The following PCDHA8 variants were observed in gnomAD, a reference collection of about 807,000 sequenced individuals.
The protein encoded by PCDHA8 is protocadherin alpha-8.
PCDHA8 carries 53 observed loss-of-function variants against 61.8 expected under a neutral mutation model. That is an observed-to-expected ratio of 0.86 (90% CI 0.69 to 1.08). The LOEUF (loss-of-function observed/expected upper bound fraction) is 1.08, where lower values mean the gene tolerates loss of function less well. Among genes scored for constraint, PCDHA8 ranks in the 50% least tolerant of loss-of-function variants. The pLI is 0.00. For synonymous variants in PCDHA8, 618 were observed against 556.6 expected, an observed-to-expected ratio of 1.11 and a Z score of -1.55; for missense variants, 1,293 against 1,245.0, an observed-to-expected ratio of 1.04 and a Z score of -0.58.
At position 141,009,870 on chromosome 5, in the gene PCDHA8, A is replaced by G. The variant is rs1554262513; in HGVS notation, c.2786A>G (p.Lys929Arg). 1.9e-6 allele frequency: 3 copies of G among 1,614,114 alleles called. No homozygotes were observed. Among genetic ancestry groups the G allele is most frequent in the South Asian group, 2.2e-5 (2 of 91,074 alleles). ...GAGACCAAGAAAAAGAAGAAAAAGA[A>G]GAAGGGTAACAAGACCCAGGAGAAA... ...KEETKKKKKK[K>R]KGNKTQEKKE... The change falls in exon 4 of 4, where the codon AAG (lysine) becomes AGG (arginine). Residue 929 changes from lysine to arginine, a missense_variant. Physicochemically the swap from Lys to Arg is conservative, Grantham distance 26. Coordinates refer to ENST00000531613, the MANE Select transcript of PCDHA8 (RefSeq NM_018911.3).
chr5:140,919,097 C>T lies in PCDHA8; in HGVS notation c.2395-59852C>T, dbSNP rs531325561. Among the ~76,000 whole-genome samples the T allele has an allele frequency of 5.3e-5, 8 of 152,242 alleles. No homozygotes were observed. The South Asian group carries it at 1.7e-3, about 32-fold the overall frequency. ...TATGACTATTGAATTGTCTATTTCT[C>T]CCTTCATTTCTGCCAGTTTTTGCTT... On this transcript the variant is annotated intron_variant, in intron 1 of 3. Coordinates refer to ENST00000531613, the MANE Select transcript of PCDHA8 (RefSeq NM_018911.3).
chr5:141,000,417 A>ATTT (rs1563652061), intron 3 of PCDHA8, among the ~76,000 whole-genome samples: 30 of 77,716 alleles, frequency 3.9e-4, no homozygotes, highest in South Asian at 4.7e-4. Flanking sequence ...ATATATATAT[A>ATTT]TATATTTTTT....
In PCDHA8 at chr5:140,841,945, C is replaced by A. The variant is rs1554138662; in HGVS notation, c.624C>A (p.His208Gln). ...TGGACAGAGAGGACGCTCCTGCGCACCACTTATTCCTGACAGCCACAGATG... is the reference window on the plus strand; with the variant it reads ...TGGACAGAGAGGACGCTCCTGCGCAACACTTATTCCTGACAGCCACAGATG... ...KSLDREDAPAHHLFLTATDGG... is the reference protein window; with the variant it reads ...KSLDREDAPAQHLFLTATDGG... Residue 208 changes from histidine to glutamine, a missense_variant, in exon 1 of 4, where the codon CAC becomes CAA. Transcript: ENST00000531613. 1 of 1,613,782 alleles carries A rather than the reference C, an allele frequency of 6.2e-7. No homozygotes were observed. Among genetic ancestry groups the A allele is most frequent in the African/African-American group, 1.3e-5 (1 of 74,872 alleles).
intron 1 of PCDHA8, 159 bp from the exon 2 acceptor site, chr5:140,978,790 T>C (rs2096823347): frequency 3.1e-6 from 3 of 975,976 alleles, no homozygotes; most frequent in Non-Finnish European, 3.7e-6. Flanking sequence ...TAAAGTGCTA[T>C]ATATGTAGAT....
At chr5:140,858,775 A>C (rs2045585315) in intron 1 of PCDHA8, 2 of 422,450 alleles carry the variant, frequency 4.7e-6, no homozygotes, top group Non-Finnish European at 8.6e-6. Context: ...TGAGATTAGT[A>C]CTTCATGTTA....
At chr5:140,966,425 G>A in intron 1 of PCDHA8, 1 of 421,678 alleles carries the variant, frequency 2.4e-6, no homozygotes, top group South Asian at 9.9e-5. Flanking sequence ...GACTTGCTGA[G>A]CCCTCCTACC....
intron 1 of PCDHA8, chr5:140,857,774 G>T: frequency 6.3e-7 from 1 of 1,597,758 alleles, no homozygotes; most frequent in Non-Finnish European, 8.6e-7. Flanking sequence ...GGGCGGTGCA[G>T]TCAGTGAGCT....
At chr5:140,845,550 G>C (rs185907796) in intron 1 of PCDHA8, among the ~76,000 whole-genome samples, 1 of 149,478 alleles carries the variant, frequency 6.7e-6, no homozygotes, top group East Asian at 1.9e-4. Flanking sequence ...TTATGGTGAT[G>C]CTTTTAGCTA....
chr5:140,915,864 T>A (rs1170888594), intron 1 of PCDHA8, among the ~76,000 whole-genome samples: 1 of 152,166 alleles, frequency 6.6e-6, no homozygotes. Flanking sequence ...CAAGTTTGCA[T>A]CCTTCCCTTT....
At chr5:140,852,737 C>A in intron 1 of PCDHA8, 1 of 983,808 alleles carries the variant, frequency 1.0e-6, no homozygotes, top group Non-Finnish European at 1.2e-6. Context: ...GTTTCATGTG[C>A]CATTTAAACT....
chr5:140,954,354 C>T lies in PCDHA8; in HGVS notation c.2395-24595C>T, dbSNP rs982671490. ...TTCTGCCTCTAGATCTTTGAGGAAT[C>T]GCCACACAGTCTCCCACAATGAGTG... is the stretch of plus-strand genomic sequence containing the variant. On this transcript the variant is annotated intron_variant, in intron 1 of 3. Transcript: ENST00000531613. Among the ~76,000 whole-genome samples the T allele has an allele frequency of 3.3e-5, 5 of 152,286 alleles. No homozygotes were observed. The East Asian group carries it at 5.8e-4, about 18-fold the overall frequency.
intron 1 of PCDHA8, chr5:140,969,437 T>C (rs1429370144): frequency 1.8e-5 from 28 of 1,547,818 alleles, no homozygotes; most frequent in Non-Finnish European, 2.4e-5. Context: ...ACAAGAGTTA[T>C]CTGGTAAACT....
intron 1 of PCDHA8, among the ~76,000 whole-genome samples, chr5:140,874,638 C>A (rs2055040349): frequency 6.6e-6 from 1 of 152,272 alleles, no homozygotes; most frequent in South Asian, 2.1e-4. Context: ...AAGTGCTTTA[C>A]TTTTGCTAGA....
At chr5:140,991,984 C>T (rs1393451773) in intron 3 of PCDHA8, among the ~76,000 whole-genome samples, 1 of 151,632 alleles carries the variant, frequency 6.6e-6, no homozygotes, top group Non-Finnish European at 1.5e-5. Context: ...TTCTGCCTAC[C>T]ACCCGGTCTT....
At position 140,854,896 on chromosome 5, in the gene PCDHA8, G is replaced by A. The variant is rs181663374; in HGVS notation, c.2394+11181G>A. Among the ~76,000 whole-genome samples, 38 of 149,756 alleles carry A rather than the reference G, an allele frequency of 2.5e-4. 1 individual carries two copies. Among genetic ancestry groups the A allele is most frequent in the African/African-American group, 4.6e-4 (19 of 40,968 alleles). On this transcript the variant is annotated intron_variant, in intron 1 of 3. Coordinates refer to ENST00000531613, the MANE Select transcript of PCDHA8 (RefSeq NM_018911.3). ...TGTGTCTTTTGGGCATTTGAAAAGC[G>A]TAAATATAACAGGGTTGAAAGCATT...
intron 3 of PCDHA8, among the ~76,000 whole-genome samples, chr5:141,000,351 GTCTC>G (rs1554257240): frequency 3.0e-5 from 2 of 66,862 alleles, no homozygotes. Flanking sequence ...CTCTCTCTCT[GTCTC>G]TCTCTGTCTC....
chr5:140,855,814 G>T, intron 1 of PCDHA8: 1 of 513,024 alleles, frequency 1.9e-6, no homozygotes, highest in Non-Finnish European at 3.4e-6. Context: ...AAGAAAAGTT[G>T]TGAACTCATG....
At chr5:140,874,045 A>C (rs1365438306) in intron 1 of PCDHA8, among the ~76,000 whole-genome samples, 1 of 152,212 alleles carries the variant, frequency 6.6e-6, no homozygotes, top group East Asian at 1.9e-4. Flanking sequence ...CTTGGTGATG[A>C]TATTAGACAA....
intron 1 of PCDHA8, chr5:140,967,401 G>T (rs374310490): frequency 1.2e-6 from 2 of 1,611,944 alleles, no homozygotes; most frequent in Non-Finnish European, 1.7e-6. Flanking sequence ...CTGGTGCTGC[G>T]TAAGGGCCTA....
Sources: allele counts gnomAD v4.1 joint callset (sites outside exome capture counted in the v4.1 genomes callset), GRCh38; gene constraint gnomAD v4.1.1; transcripts MANE v1.5; gene names NCBI Gene and HGNC (gene_info 2026-07-23, HGNC 2026-07-21).